Variants in CARS1 observed in about 807,000 individuals in gnomAD.
CARS1 encodes the protein cysteine--tRNA ligase, cytoplasmic.
CARS1 carries 48 observed loss-of-function variants against 106.2 expected under a neutral mutation model. The observed-to-expected ratio is 0.45, with a 90% CI of 0.36 to 0.57. The LOEUF (loss-of-function observed/expected upper bound fraction) is 0.57. Among genes scored for constraint, CARS1 ranks in the 20% least tolerant of loss-of-function variants. The probability of loss-of-function intolerance (pLI) is 0.00; values close to 1 mark genes in which losing one functional copy is unlikely to be tolerated. For synonymous variants in CARS1, 409 were observed against 403.4 expected, an observed-to-expected ratio of 1.01 and a Z score of -0.17; for missense variants, 968 against 1,057.2, an observed-to-expected ratio of 0.92 and a Z score of 1.17.
Position 3,040,178 on chromosome 11 carries a change from CATA to C in CARS1, c.456-250_456-248del, listed in dbSNP as rs1437870675. On this transcript the variant is annotated intron_variant, in intron 4 of 22. Coordinates refer to ENST00000380525, the MANE Select transcript of CARS1 (RefSeq NM_001014437.3). The surrounding 1 kb of genome is among the most constrained non-coding windows in gnomAD (Gnocchi z 5.8). ...ATTGCCTCTCCCTTATGATTTTCTT[CATA>C]ATATTTTCTTTTCTCTGGCTTCCTT... 6.9e-6 allele frequency: 3 copies of C among 431,946 alleles called. No individual in the cohort carries two copies. The highest frequency in any genetic ancestry group is 2.0e-5 in the African/African-American group (1 of 49,122). 26.8% of individuals were successfully genotyped at this position (431,946 alleles called of 1,614,324 possible).
chr11:3,019,238 C>T lies in CARS1; in HGVS notation c.1296G>A (p.Ser432=), dbSNP rs202071142. 7.5e-6 allele frequency: 11 copies of T among 1,470,198 alleles called. No individual in the cohort carries two copies. The highest frequency in any genetic ancestry group is 5.9e-5 in the South Asian group (4 of 68,320). 91.1% of individuals were successfully genotyped at this position (1,470,198 alleles called of 1,614,324 possible). A position where few individuals can be genotyped will look rare whatever the true frequency, so the allele number is the denominator to read the frequency against. Residue 432 remains serine (S), a synonymous_variant, in exon 12 of 23, where the codon TCG becomes TCA. Transcript: ENST00000380525. This position sits in a 1 kb window ranked among gnomAD's most constrained non-coding sequence, Gnocchi z 6.2. ...KGRPGWHIEC[S]AMAGTLLGAS... is the part of the protein sequence containing the mutation. ...CCCCTAGGAGGGTGCCTGCCATGGC[C>T]GAGCACTCGATATGCCAGCCCGGAC...
chr11:3,044,571 A>G lies in CARS1; in HGVS notation c.275-2315T>C, dbSNP rs1854883709. ...GCCACCACGCCCCACCAATTTTTGTATCTTTAGTAGGGATGGGGTTTCACC... is the reference window on the plus strand; with the variant it reads ...GCCACCACGCCCCACCAATTTTTGTGTCTTTAGTAGGGATGGGGTTTCACC... On this transcript the variant is annotated intron_variant, in intron 2 of 22. Transcript: ENST00000380525. This position sits in a 1 kb window ranked among gnomAD's most constrained non-coding sequence, Gnocchi z 4.4. Among the ~76,000 whole-genome samples the G allele has an allele frequency of 6.6e-6, 1 of 152,066 alleles. No individual in the cohort carries two copies. The highest frequency in any genetic ancestry group is 1.5e-5 in the Non-Finnish European group (1 of 67,998).
Position 3,018,464 on chromosome 11 carries a change from G to C in CARS1, c.1573C>G (p.Leu525Val). Residue 525 changes from leucine to valine, a missense_variant, in exon 14 of 23, where the codon CTG becomes GTG. Leu to Val is a conservative substitution (Grantham distance 32, BLOSUM62 1). Coordinates refer to ENST00000380525, the MANE Select transcript of CARS1 (RefSeq NM_001014437.3). ...TCCATGGTGTTGCTGGAGTAGTCCA[G>C]GGTGTCCTTCCACGAGTGCATGAGG... ...AFLMHSWKDTLDYSSNTMESA... is the reference protein window; with the variant it reads ...AFLMHSWKDTVDYSSNTMESA... 6.2e-7 allele frequency: 1 copy of C among 1,614,154 alleles called. No homozygotes were observed. Among genetic ancestry groups the C allele is most frequent in the South Asian group, 1.1e-5 (1 of 91,078 alleles).
rs1444710635 is a variant in CARS1 at position 3,005,456 on chromosome 11, G to A, written c.2150-23C>T. 2.5e-6 allele frequency: 4 copies of A among 1,604,524 alleles called. No individual in the cohort carries two copies. In the East Asian group the frequency reaches 6.7e-5, roughly 27 times the overall value. ...GTCCTGCAAAATAAACTGCGTGTGAGAAGAGTCTGGGCTCTGTGGGCCGTC... is the reference window on the plus strand; with the variant it reads ...GTCCTGCAAAATAAACTGCGTGTGAAAAGAGTCTGGGCTCTGTGGGCCGTC... On this transcript the variant is annotated intron_variant, in intron 19 of 22. Transcript: ENST00000380525.
chr11:3,017,115 A>G lies in CARS1; in HGVS notation c.1908T>C (p.His636=), dbSNP rs1368960888. ...CTGGGGCCTGGCTTACCTTCAGCATATGGGTGAGGTACAGGGCGATGTTCT... is the reference window on the plus strand; with the variant it reads ...CTGGGGCCTGGCTTACCTTCAGCATGTGGGTGAGGTACAGGGCGATGTTCT... ...LLENIALYLT[H]MLKIFGAVEE... Residue 636 remains histidine, a synonymous_variant, in exon 16 of 23, where the codon CAT becomes CAC. Transcript: ENST00000380525. This position sits in a 1 kb window ranked among gnomAD's most constrained non-coding sequence, Gnocchi z 4.9. 7 of 1,612,524 alleles carry G rather than the reference A, an allele frequency of 4.3e-6. No individual in the cohort carries two copies. Among genetic ancestry groups the G allele is most frequent in the Non-Finnish European group, 5.9e-6 (7 of 1,178,756 alleles).
In CARS1 at chr11:3,021,900, A is replaced by G. The variant is rs972753189; in HGVS notation, c.1154-1568T>C. Among the ~76,000 whole-genome samples the G allele has an allele frequency of 6.6e-6, 1 of 152,184 alleles. No individual in the cohort carries two copies. Among genetic ancestry groups the G allele is most frequent in the African/African-American group, 2.4e-5 (1 of 41,434 alleles). Reference sequence around the variant, plus strand: ...GCTCTTTGATAGAAAATATACATTCACGTTTTCAACTTTTCATTATTATGA... The same window carrying G: ...GCTCTTTGATAGAAAATATACATTCGCGTTTTCAACTTTTCATTATTATGA... On this transcript the variant is annotated intron_variant, in intron 10 of 22. Coordinates refer to ENST00000380525, the MANE Select transcript of CARS1 (RefSeq NM_001014437.3). The surrounding 1 kb of genome is among the most constrained non-coding windows in gnomAD (Gnocchi z 5.3).
At chr11:3,005,986 T>C (rs1300549403) in intron 19 of CARS1, among the ~76,000 whole-genome samples, 2 of 152,140 alleles carry the variant, frequency 1.3e-5, no homozygotes, top group African/African-American at 4.8e-5. Flanking sequence ...ATCTGAGATT[T>C]AAAATTACCA....
Position 3,038,033 on chromosome 11 carries a change from G to C in CARS1, c.801+17C>G. 6.2e-7 allele frequency: 1 copy of C among 1,605,936 alleles called. No homozygotes were observed. Among genetic ancestry groups the C allele is most frequent in the Admixed American group, 1.7e-5 (1 of 59,476 alleles). On this transcript the variant is annotated intron_variant, in intron 7 of 22. Transcript: ENST00000380525. The surrounding 1 kb of genome is among the most constrained non-coding windows in gnomAD (Gnocchi z 4.0). The stretch of plus-strand genomic sequence containing the variant: ...TTTGACCCGAACGGGCTGTCTGGGA[G>C]ATGTGTGAAGCCTCACCTCCACACA...
rs1055925483 is a variant in CARS1 at position 3,028,720 on chromosome 11, C to CAGCTCTT, written c.1031+275_1031+276insAAGAGCT. The CAGCTCTT allele has an allele frequency of 2.0e-6, 1 of 496,282 alleles. No homozygotes were observed. The highest frequency in any genetic ancestry group is 1.9e-5 in the African/African-American group (1 of 52,094). 30.7% of individuals were successfully genotyped at this position (496,282 alleles called of 1,614,324 possible). ...AGCAGTATTCGCACTCACCATTATG[C>CAGCTCTT]AGCTCTGGGGCCCCATGACTGATGG... On this transcript the variant is annotated intron_variant, in intron 9 of 22. Coordinates refer to ENST00000380525, the MANE Select transcript of CARS1 (RefSeq NM_001014437.3). This position sits in a 1 kb window ranked among gnomAD's most constrained non-coding sequence, Gnocchi z 4.4.
Position 3,037,953 on chromosome 11 carries a change from A to G in CARS1, c.801+97T>C. ...TGGAGACACAGAGTGTCTTCCACTA[A>G]GACAATCTGTGGAATCAATCCGTGC... On this transcript the variant is annotated intron_variant, in intron 7 of 22. Coordinates refer to ENST00000380525, the MANE Select transcript of CARS1 (RefSeq NM_001014437.3). The surrounding 1 kb of genome is among the most constrained non-coding windows in gnomAD (Gnocchi z 5.9). 7.8e-7 allele frequency: 1 copy of G among 1,286,724 alleles called. No individual in the cohort carries two copies. Among genetic ancestry groups the G allele is most frequent in the Non-Finnish European group, 1.1e-6 (1 of 926,248 alleles). The allele number at this position is 1,286,724 out of a possible 1,614,324, so 79.7% of individuals were successfully genotyped here. A position where few individuals can be genotyped will look rare whatever the true frequency, so the allele number is the denominator to read the frequency against.
chr11:3,036,368 A>G (rs1383556183), intron 7 of CARS1, among the ~76,000 whole-genome samples: 1 of 152,196 alleles, frequency 6.6e-6, no homozygotes, highest in African/African-American at 2.4e-5. Context: ...TTGCAGGTAT[A>G]TGGCCTAAAG....
chr11:3,039,735 C>A lies in CARS1; in HGVS notation c.552+100G>T. 1.6e-6 allele frequency: 1 copy of A among 607,868 alleles called. No individual in the cohort carries two copies. Among genetic ancestry groups the A allele is most frequent in the Non-Finnish European group, 2.9e-6 (1 of 350,298 alleles). The allele number at this position is 607,868 out of a possible 1,614,324, so 37.7% of individuals were successfully genotyped here. On this transcript the variant is annotated intron_variant, in intron 5 of 22. Coordinates refer to ENST00000380525, the MANE Select transcript of CARS1 (RefSeq NM_001014437.3). This position sits in a 1 kb window ranked among gnomAD's most constrained non-coding sequence, Gnocchi z 5.6. Reference sequence around the variant, plus strand: ...AAATGATGTTTATCAGGTGAAAACACAAGCTAGCTCAAGCCTACATTATTT... The same window carrying A: ...AAATGATGTTTATCAGGTGAAAACAAAAGCTAGCTCAAGCCTACATTATTT...
chr11:3,026,010 C>A (rs1852036735), intron 10 of CARS1, among the ~76,000 whole-genome samples: 1 of 152,136 alleles, frequency 6.6e-6, no homozygotes, highest in Non-Finnish European at 1.5e-5. Context: ...AAATAACACA[C>A]CATAAAAAAA....
rs1427723663 is a variant in CARS1, at chr11:3,028,188, C to G, written c.1031+808G>C. On this transcript the variant is annotated intron_variant, in intron 9 of 22. Coordinates refer to ENST00000380525, the MANE Select transcript of CARS1 (RefSeq NM_001014437.3). The surrounding 1 kb of genome is among the most constrained non-coding windows in gnomAD (Gnocchi z 4.4). Reference sequence around the variant, plus strand: ...TGCCAGGCAGGGAAGGGCCCCCTGTCCAGTGGACACGTGACCCACGTGGCC... The same window carrying G: ...TGCCAGGCAGGGAAGGGCCCCCTGTGCAGTGGACACGTGACCCACGTGGCC... 1 of 334,382 alleles carries G rather than the reference C, an allele frequency of 3.0e-6. No homozygotes were observed. The highest frequency in any genetic ancestry group is 8.8e-5 in the East Asian group (1 of 11,334). The allele number at this position is 334,382 out of a possible 1,614,324, so 20.7% of individuals were successfully genotyped here. A position where few individuals can be genotyped will look rare whatever the true frequency, so the allele number is the denominator to read the frequency against.
Position 3,029,474 on chromosome 11 carries a change from G to A in CARS1, c.802-31C>T, listed in dbSNP as rs377006109. On this transcript the variant is annotated intron_variant, in intron 7 of 22. Transcript: ENST00000380525. This position sits in a 1 kb window ranked among gnomAD's most constrained non-coding sequence, Gnocchi z 5.9. ...GAGAAAGAAACAAAAATCCAGCAGC[G>A]GGCCACACACTTCACATGAGAACAT... is the stretch of plus-strand genomic sequence containing the variant. 58 of 1,609,236 alleles carry A rather than the reference G, an allele frequency of 3.6e-5. No individual in the cohort carries two copies. The highest frequency in any genetic ancestry group is 1.7e-4 in the Middle Eastern group (1 of 6,052).
rs934355969 is a variant in CARS1 at position 3,018,463 on chromosome 11, A to G, written c.1574T>C (p.Leu525Pro). ...AFLMHSWKDT[L>P]DYSSNTMESA... ...CTCCATGGTGTTGCTGGAGTAGTCC[A>G]GGGTGTCCTTCCACGAGTGCATGAG... Residue 525 changes from leucine (L) to proline (P), a missense_variant, in exon 14 of 23, where the codon CTG becomes CCG. Coordinates refer to ENST00000380525, the MANE Select transcript of CARS1 (RefSeq NM_001014437.3). The G allele has an allele frequency of 6.2e-7, 1 of 1,614,162 alleles. No homozygotes were observed. The highest frequency in any genetic ancestry group is 8.5e-7 in the Non-Finnish European group (1 of 1,180,010).
Position 3,029,705 on chromosome 11 carries a change from G to A in CARS1, c.802-262C>T. 2.0e-6 allele frequency: 1 copy of A among 495,320 alleles called. No homozygotes were observed. Among genetic ancestry groups the A allele is most frequent in the South Asian group, 3.3e-5 (1 of 30,260 alleles). The allele number at this position is 495,320 out of a possible 1,614,324, so 30.7% of individuals were successfully genotyped here. On this transcript the variant is annotated intron_variant, in intron 7 of 22. Coordinates refer to ENST00000380525, the MANE Select transcript of CARS1 (RefSeq NM_001014437.3). This position sits in a 1 kb window ranked among gnomAD's most constrained non-coding sequence, Gnocchi z 5.9. The stretch of plus-strand genomic sequence containing the variant: ...ACTGTGGGTGCAGAGGCAAAAAGAG[G>A]TGGGAGGGCCGAGGTGGGCCTGGTG...
rs1850937840 is a variant in CARS1, at chr11:3,015,853, G to A, written c.1918-4C>T. 6.2e-7 allele frequency: 1 copy of A among 1,613,882 alleles called. No individual in the cohort carries two copies. Among genetic ancestry groups the A allele is most frequent in the African/African-American group, 1.3e-5 (1 of 75,064 alleles). On this transcript the variant is annotated splice_polypyrimidine_tract_variant and splice_region_variant and intron_variant, in intron 16 of 22. Coordinates refer to ENST00000380525, the MANE Select transcript of CARS1 (RefSeq NM_001014437.3). ...CCTCTTCTACGGCCCCAAAGATCTA[G>A]GAAAAGAAACAGATGGGACCTGAAG... is the stretch of plus-strand genomic sequence containing the variant.
rs1439371084 is a variant in CARS1 at position 3,045,667 on chromosome 11, C to CATCTG, written c.274+2081_274+2085dup. Among the ~76,000 whole-genome samples the CATCTG allele has an allele frequency of 6.6e-6, 1 of 152,166 alleles. No individual in the cohort carries two copies. Among genetic ancestry groups the CATCTG allele is most frequent in the Non-Finnish European group, 1.5e-5 (1 of 68,036 alleles). On this transcript the variant is annotated intron_variant, in intron 2 of 22. Coordinates refer to ENST00000380525, the MANE Select transcript of CARS1 (RefSeq NM_001014437.3). This position sits in a 1 kb window ranked among gnomAD's most constrained non-coding sequence, Gnocchi z 5.6. ...GCACACTGAGGGCCAGACACAGGCA[C>CATCTG]ATCTGATGCTGCTGGGATGTCCAAC... is the stretch of plus-strand genomic sequence containing the variant.
Sources: gnomAD v4.1 joint callset for allele counts (sites outside exome capture counted in the v4.1 genomes callset) on GRCh38, gnomAD v4.1.1 for gene constraint, Gnocchi (gnomAD v3.1) non-coding constraint, MANE v1.5 for transcripts, NCBI Gene and HGNC (gene_info 2026-07-23, HGNC 2026-07-21) for gene names.